EHMT2: variants seen among roughly 807,000 people sequenced by gnomAD.
EHMT2 encodes histone-lysine N-methyltransferase EHMT2.
In EHMT2, 59 loss-of-function variants were observed where a neutral mutation model predicts 143.3. The observed-to-expected ratio is 0.41, with a 90% CI of 0.33 to 0.51. EHMT2 has a LOEUF of 0.51. Among genes scored for constraint, EHMT2 ranks in the 20% least tolerant of loss-of-function variants. The probability of loss-of-function intolerance (pLI) is 0.18; values close to 1 mark genes in which losing one functional copy is unlikely to be tolerated. For synonymous variants in EHMT2, 604 were observed against 651.5 expected (o/e 0.93, Z 1.11); for missense variants, 1,174 against 1,645.9 (o/e 0.71, Z 4.96).
chr6:31,882,725 G>A, exon 25 of EHMT2: 3 of 1,612,684 alleles, frequency 1.9e-6, no homozygotes, highest in Non-Finnish European at 2.5e-6. Flanking sequence ...CCTGTGGGAT[G>A]GTCTGCAGGG....
At chr6:31,892,658 C>A in intron 6 of EHMT2, 36 bp downstream of exon 6, 1 of 1,612,874 alleles carries the variant, frequency 6.2e-7, no homozygotes, top group Non-Finnish European at 8.5e-7. Flanking sequence ...CTCAGAGCAG[C>A]CCCCGAGGGG....
chr6:31,891,584 G>A (rs556667505), intron 7 of EHMT2, among the ~76,000 whole-genome samples: 5 of 152,248 alleles, frequency 3.3e-5, no homozygotes, highest in African/African-American at 9.6e-5. Flanking sequence ...TTGGGTACAT[G>A]GGGGCTCCCT....
At chr6:31,887,522 C>T in intron 15 of EHMT2, 55 bp downstream of exon 15, 1 of 1,514,254 alleles carries the variant, frequency 6.6e-7, no homozygotes, top group Non-Finnish European at 9.2e-7. Flanking sequence ...TACCCAGTGC[C>T]TGGTATATAC....
rs375056332 is a variant in EHMT2, at chr6:31,886,575, G to A, written c.2343+6C>T. 31 of 1,609,012 alleles carry A rather than the reference G, an allele frequency of 1.9e-5. 1 individual carries two copies. Among genetic ancestry groups the A allele is most frequent in the South Asian group, 6.6e-5 (6 of 90,840 alleles). ...CCAGAGGGGCTGGGCTGGGTGGGCC[G>A]CTGACCTGGGCGTTGACGTCCACCT... On this transcript the variant is annotated splice_donor_region_variant and intron_variant, in intron 18 of 27. Transcript: ENST00000375537.
chr6:31,887,495 C>T, intron 15 of EHMT2, 82 bp downstream of exon 15: 3 of 1,267,862 alleles, frequency 2.4e-6, no homozygotes, highest in East Asian at 4.7e-5. Context: ...TCCTTCACGA[C>T]TGTACTCCTG....
intron 7 of EHMT2, among the ~76,000 whole-genome samples, chr6:31,890,531 G>A (rs1009329922): frequency 1.3e-5 from 2 of 150,318 alleles, no homozygotes; most frequent in South Asian, 2.1e-4. Flanking sequence ...GATTACAGGC[G>A]TGAGCCACCA....
chr6:31,895,554 G>C (rs897581753), intron 4 of EHMT2: 1 of 151,784 alleles, frequency 6.6e-6, no homozygotes, highest in African/African-American at 2.4e-5. Flanking sequence ...CCAGCACTTT[G>C]CGAGGTCAAG....
At chr6:31,893,702 C>T in intron 4 of EHMT2, 1 of 276,106 alleles carries the variant, frequency 3.6e-6, no homozygotes, top group South Asian at 4.1e-5. Context: ...CATGGTACAA[C>T]ATAGATGAAC....
In EHMT2 at chr6:31,884,051, C is replaced by A; in HGVS notation, c.2772-101G>T. 1.5e-6 allele frequency: 2 copies of A among 1,367,282 alleles called. No individual in the cohort carries two copies. Among genetic ancestry groups the A allele is most frequent in the Non-Finnish European group, 9.9e-7 (1 of 1,009,646 alleles). The allele number at this position is 1,367,282 out of a possible 1,614,324, so 84.7% of individuals were successfully genotyped here. A position where few individuals can be genotyped will look rare whatever the true frequency, so the allele number is the denominator to read the frequency against. On this transcript the variant is annotated intron_variant, in intron 21 of 27. Coordinates refer to ENST00000375537, the Ensembl canonical transcript of EHMT2. The surrounding 1 kb of genome is among the most constrained non-coding windows in gnomAD (Gnocchi z 7.3). ...TTGGGGAGGTTCCTGGGGCTGGGGGCAGGGGAGTAAGGTTGCCAGGTAAGA... is the reference window on the plus strand; with the variant it reads ...TTGGGGAGGTTCCTGGGGCTGGGGGAAGGGGAGTAAGGTTGCCAGGTAAGA...
In EHMT2 at chr6:31,880,344, C is replaced by A; in HGVS notation, c.3453-80G>T. 1.3e-6 allele frequency: 2 copies of A among 1,509,066 alleles called. No homozygotes were observed. The highest frequency in any genetic ancestry group is 2.4e-5 in the South Asian group (2 of 82,654). 93.5% of individuals were successfully genotyped at this position (1,509,066 alleles called of 1,614,324 possible). ...CCCCGAAGACCCTGTGGATCCTGCTCCCTGAGAGGGACCCGACACCCAACC... is the reference window on the plus strand; with the variant it reads ...CCCCGAAGACCCTGTGGATCCTGCTACCTGAGAGGGACCCGACACCCAACC... On this transcript the variant is annotated intron_variant, in intron 27 of 27. Transcript: ENST00000375537. This position sits in a 1 kb window ranked among gnomAD's most constrained non-coding sequence, Gnocchi z 6.6.
At chr6:31,893,648 T>A (rs1197766036) in intron 4 of EHMT2, 1 of 271,114 alleles carries the variant, frequency 3.7e-6, no homozygotes, top group Non-Finnish European at 7.5e-6. Context: ...CTTTTAGAGA[T>A]GGGGTCTTGG....
intron 3 of EHMT2, 38 bp downstream of exon 3, chr6:31,896,568 A>C (rs1266210130): frequency 6.3e-7 from 1 of 1,596,434 alleles, no homozygotes; most frequent in Admixed American, 1.7e-5. Flanking sequence ...AAGAGTCAGA[A>C]ATTTCCCACC....
At chr6:31,896,629 A>G in exon 3 of EHMT2, 1 of 1,586,128 alleles carries the variant, frequency 6.3e-7, no homozygotes, top group Non-Finnish European at 8.6e-7. Flanking sequence ...GCCCCCACGG[A>G]GGTCCCCATC....
chr6:31,891,228 A>C (rs911710783), intron 7 of EHMT2, among the ~76,000 whole-genome samples: 11 of 152,204 alleles, frequency 7.2e-5, no homozygotes, highest in Non-Finnish European at 1.0e-4. Context: ...TACAGGCGTG[A>C]GCCACTGTGC....
At chr6:31,893,754 G>A (rs1030345590) in intron 4 of EHMT2, 16 of 231,972 alleles carry the variant, frequency 6.9e-5, no homozygotes, top group Non-Finnish European at 1.3e-4. Context: ...AGTCACAAAA[G>A]GATAAATACT....
In EHMT2 at chr6:31,880,423, T is replaced by G. The variant is rs978801458; in HGVS notation, c.3453-159A>C. 15 of 912,396 alleles carry G rather than the reference T, an allele frequency of 1.6e-5. No homozygotes were observed. In the African/African-American group the frequency reaches 2.0e-4, roughly 12 times the overall value. The allele number at this position is 912,396 out of a possible 1,614,324, so 56.5% of individuals were successfully genotyped here. ...TTGTATGTTCTATGGACTTTCAGCATCAGCATTGCCTGGGGACTTTTTAGA... is the reference window on the plus strand; with the variant it reads ...TTGTATGTTCTATGGACTTTCAGCAGCAGCATTGCCTGGGGACTTTTTAGA... On this transcript the variant is annotated intron_variant, in intron 27 of 27. Coordinates refer to ENST00000375537, the Ensembl canonical transcript of EHMT2. This position sits in a 1 kb window ranked among gnomAD's most constrained non-coding sequence, Gnocchi z 6.6.
rs772821236 is a variant in EHMT2, at chr6:31,889,635, C to A, written c.865-33G>T. Reference sequence around the variant, plus strand: ...AGAGGCAGAACAGACATATCCAACCCCCAGGACTCAGACAATGAGGTGAGT... The same window carrying A: ...AGAGGCAGAACAGACATATCCAACCACCAGGACTCAGACAATGAGGTGAGT... On this transcript the variant is annotated intron_variant, in intron 7 of 27. Transcript: ENST00000375537. This position sits in a 1 kb window ranked among gnomAD's most constrained non-coding sequence, Gnocchi z 5.1. The A allele has an allele frequency of 1.2e-6, 2 of 1,606,238 alleles. No homozygotes were observed. Among genetic ancestry groups the A allele is most frequent in the South Asian group, 2.2e-5 (2 of 91,068 alleles).
chr6:31,888,075 C>A lies in EHMT2; in HGVS notation c.1711G>T (p.Asp571Tyr). Residue 571 changes from aspartate (D) to tyrosine (Y), a missense_variant, in exon 13 of 28, where the codon GAT (aspartate) becomes TAT (tyrosine). Physicochemically the swap from Asp to Tyr is radical, Grantham distance 160 (BLOSUM62 -3). This residue lies in a region of EHMT2 where 608 missense variants were observed against 903.7 expected (regional missense o/e 0.67). Transcript: ENST00000375537. The surrounding 1 kb of genome is among the most constrained non-coding windows in gnomAD (Gnocchi z 7.4). Reference sequence around the variant, plus strand: ...GAAGTGTCTGCTCTCCCGGGGACATCCTGGGACAGGGGTGGGGGTGCAGGA... The same window carrying A: ...GAAGTGTCTGCTCTCCCGGGGACATACTGGGACAGGGGTGGGGGTGCAGGA... 1 of 1,603,434 alleles carries A rather than the reference C, an allele frequency of 6.2e-7. No individual in the cohort carries two copies. Among genetic ancestry groups the A allele is most frequent in the Non-Finnish European group, 8.5e-7 (1 of 1,175,398 alleles).
chr6:31,881,587 C>CATGGG lies in EHMT2; in HGVS notation c.3198-496_3198-495insCCCAT, dbSNP rs1764114668. 1.7e-4 allele frequency: 33 copies of CATGGG among 192,538 alleles called. 1 individual carries two copies. In the South Asian group the frequency reaches 3.5e-3, roughly 21 times the overall value. The allele number at this position is 192,538 out of a possible 1,614,324, so 11.9% of individuals were successfully genotyped here. On this transcript the variant is annotated intron_variant, in intron 25 of 27. Transcript: ENST00000375537. This position sits in a 1 kb window ranked among gnomAD's most constrained non-coding sequence, Gnocchi z 4.8. ...TGAGCAGACATGGGAGATTCAGACA[C>CATGGG]ACGGAGAGGACGTGGGTGGGAAGTG...
Sources: allele counts gnomAD v4.1 joint callset (sites outside exome capture counted in the v4.1 genomes callset), GRCh38; gene constraint gnomAD v4.1.1; regional missense constraint gnomAD v4.1.1; non-coding constraint Gnocchi (gnomAD v3.1); transcripts MANE v1.5; gene names NCBI Gene and HGNC (gene_info 2026-07-23, HGNC 2026-07-21).